Variants in HLCS observed in about 807,000 individuals in gnomAD.
The protein encoded by HLCS is holocarboxylase synthetase, also known as biotin--protein ligase.
HLCS carries 53 observed loss-of-function variants against 75.0 expected under a neutral mutation model. That is an observed-to-expected ratio of 0.71 (90% CI 0.57 to 0.89). The LOEUF is 0.89. Ranked by LOEUF, HLCS falls within the 40% of genes least tolerant of loss-of-function variation. HLCS has a pLI of 0.00. For missense variants in HLCS, 966 were observed against 1,074.0 expected, an observed-to-expected ratio of 0.90 and a Z score of 1.41; for synonymous variants, 431 against 428.6, an observed-to-expected ratio of 1.01 and a Z score of -0.07.
rs2068593950 is a variant in HLCS, at chr21:36,966,501, CGGGGGCTGCGCGGCCG to C, written c.122_137del (p.Ala41GlyfsTer7). The C allele has an allele frequency of 1.0e-6, 1 of 986,228 alleles. No homozygotes were observed. Among genetic ancestry groups the C allele is most frequent in the Non-Finnish European group, 1.2e-6 (1 of 831,424 alleles). 61.1% of individuals were successfully genotyped at this position (986,228 alleles called of 1,614,324 possible). On this transcript the variant is annotated frameshift_variant, in exon 1 of 11. Coordinates refer to ENST00000674895, the MANE Select transcript of HLCS (RefSeq NM_001352514.2). LOFTEE classifies it high-confidence loss of function. The stretch of plus-strand genomic sequence containing the variant: ...CACGGCTCAGGCACACGCGGGCGCC[CGGGGGCTGCGCGGCCG>C]CGCCGCAGAAGGTGAAGGAACAGCG...
At chr21:36,961,554 TA>T (rs1397590000) in intron 2 of HLCS, among the ~76,000 whole-genome samples, 1 of 151,898 alleles carries the variant, frequency 6.6e-6, no homozygotes, top group Non-Finnish European at 1.5e-5. Context: ...GCAGCCACAT[TA>T]AAAACATAAA....
chr21:36,817,649 G>A (rs979307599), intron 6 of HLCS, among the ~76,000 whole-genome samples: 4 of 152,144 alleles, frequency 2.6e-5, no homozygotes, highest in Middle Eastern at 3.2e-3. Flanking sequence ...CCAGTGAAAC[G>A]AACTTTACGT....
At chr21:36,815,669 C>A (rs1284500629) in intron 6 of HLCS, among the ~76,000 whole-genome samples, 2 of 152,110 alleles carry the variant, frequency 1.3e-5, no homozygotes, top group Admixed American at 1.3e-4. Context: ...ATTTCGGGAC[C>A]TGGCCATGGT....
intron 2 of HLCS, among the ~76,000 whole-genome samples, chr21:36,958,249 AAAAAAAAG>A (rs1168422933): frequency 1.6e-3 from 77 of 48,530 alleles, no homozygotes; most frequent in African/African-American, 4.5e-3. Flanking sequence ...TCAAAAAAAA[AAAAAAAAG>A]AAAGAAAGAA....
chr21:36,866,125 A>C (rs1398289941), intron 6 of HLCS, among the ~76,000 whole-genome samples: 1 of 134 alleles, frequency 7.5e-3, no homozygotes, highest in Non-Finnish European at 0.017. Flanking sequence ...AATTGTATAC[A>C]TTTTATACCT....
intron 3 of HLCS, 30 bp downstream of exon 3, chr21:36,938,802 C>T (rs1376238933): frequency 1.2e-6 from 2 of 1,611,278 alleles, no homozygotes; most frequent in Non-Finnish European, 1.7e-6. Flanking sequence ...CTATGCCTGG[C>T]CAATAAAAAC....
intron 6 of HLCS, among the ~76,000 whole-genome samples, chr21:36,892,708 G>C (rs1220615109): frequency 6.6e-6 from 1 of 152,180 alleles, no homozygotes; most frequent in Admixed American, 6.5e-5. Flanking sequence ...TCTTCCTTAG[G>C]AATACAACTC....
At chr21:36,946,149 C>A in intron 2 of HLCS, 2 of 979,362 alleles carry the variant, frequency 2.0e-6, no homozygotes, top group Non-Finnish European at 2.4e-6. Flanking sequence ...TGGGCAAAAA[C>A]CGAACCTGGC....
At chr21:36,893,399 G>A (rs550508583) in intron 6 of HLCS, among the ~76,000 whole-genome samples, 2 of 152,234 alleles carry the variant, frequency 1.3e-5, no homozygotes, top group Admixed American at 1.3e-4. Context: ...TAAATATTCA[G>A]AAACAGGAAC....
intron 6 of HLCS, among the ~76,000 whole-genome samples, chr21:36,791,340 G>A (rs546783814): frequency 2.0e-5 from 3 of 152,302 alleles, no homozygotes; most frequent in East Asian, 1.9e-4. Flanking sequence ...CAGTGAGACC[G>A]CTTTCAGCAT....
At position 36,776,323 on chromosome 21, in the gene HLCS, T is replaced by C. The variant is rs541044527; in HGVS notation, c.1893-9038A>G. ...GCCCTAATGTCTCTGTATTCCTATA[T>C]GCGTCTGTGTAGCTTCCTAAAACCC... On this transcript the variant is annotated intron_variant, in intron 6 of 10. Coordinates refer to ENST00000674895, the MANE Select transcript of HLCS (RefSeq NM_001352514.2). Among the ~76,000 whole-genome samples, 5 of 152,314 alleles carry C rather than the reference T, an allele frequency of 3.3e-5. No individual in the cohort carries two copies. The South Asian group carries it at 1.0e-3, about 32-fold the overall frequency.
intron 6 of HLCS, among the ~76,000 whole-genome samples, chr21:36,873,110 G>A (rs1328037456): frequency 6.6e-6 from 1 of 151,806 alleles, no homozygotes; most frequent in Non-Finnish European, 1.5e-5. Flanking sequence ...TTATACTGCT[G>A]GCATTCTTCT....
intron 2 of HLCS, chr21:36,948,420 T>G (rs2067511840): frequency 6.6e-6 from 1 of 151,816 alleles, no homozygotes; most frequent in Non-Finnish European, 1.5e-5. Flanking sequence ...CAAAATTGAC[T>G]TTCACTTGAT....
At chr21:36,855,455 T>A (rs1473950676) in intron 6 of HLCS, among the ~76,000 whole-genome samples, 1 of 149,678 alleles carries the variant, frequency 6.7e-6, no homozygotes, top group African/African-American at 2.5e-5. Context: ...GGGGAACTGC[T>A]TGAACCAGGG....
chr21:36,951,026 G>A (rs2835544), intron 2 of HLCS, among the ~76,000 whole-genome samples: 85,458 of 152,048 alleles, frequency 0.56, 24,277 homozygotes, highest in East Asian at 0.64. Flanking sequence ...CAGGATTCAG[G>A]TTGTGCTGCT....
chr21:36,759,850 A>T lies in HLCS; in HGVS notation c.2122-9T>A. 5 of 1,524,176 alleles carry T rather than the reference A, an allele frequency of 3.3e-6. No individual in the cohort carries two copies. Among genetic ancestry groups the T allele is most frequent in the Non-Finnish European group, 3.6e-6 (4 of 1,097,890 alleles). 94.4% of individuals were successfully genotyped at this position (1,524,176 alleles called of 1,614,324 possible). ...ACTCGTAAGTTGATATCCTAAAGGGAAATCTGCACATTAATTAAGCCGTCA... is the reference window on the plus strand; with the variant it reads ...ACTCGTAAGTTGATATCCTAAAGGGTAATCTGCACATTAATTAAGCCGTCA... On this transcript the variant is annotated splice_polypyrimidine_tract_variant and intron_variant, in intron 8 of 10. Transcript: ENST00000674895.
In HLCS at chr21:36,939,131, T is replaced by C. The variant is rs570578863; in HGVS notation, c.331-137A>G. On this transcript the variant is annotated intron_variant, in intron 2 of 10. Coordinates refer to ENST00000674895, the MANE Select transcript of HLCS (RefSeq NM_001352514.2). The stretch of plus-strand genomic sequence containing the variant: ...GTCATTAATAACAAATTACTGGATA[T>C]TACATTTTACTAATATCAGAGTTGT... 2.9e-4 allele frequency: 214 copies of C among 747,234 alleles called. No individual in the cohort carries two copies. In the African/African-American group the frequency reaches 3.5e-3, roughly 12 times the overall value. 46.3% of individuals were successfully genotyped at this position (747,234 alleles called of 1,614,324 possible).
At position 36,939,103 on chromosome 21, in the gene HLCS, A is replaced by G. The variant is rs2067024442; in HGVS notation, c.331-109T>C. ...CCCTTGAGGCTCCTACCACTAAATTACAGTCATTAATAACAAATTACTGGA... is the reference window on the plus strand; with the variant it reads ...CCCTTGAGGCTCCTACCACTAAATTGCAGTCATTAATAACAAATTACTGGA... On this transcript the variant is annotated intron_variant, in intron 2 of 10. Transcript: ENST00000674895. 10 of 956,146 alleles carry G rather than the reference A, an allele frequency of 1.0e-5. No individual in the cohort carries two copies. In the East Asian group the frequency reaches 2.7e-4, roughly 26 times the overall value. 59.2% of individuals were successfully genotyped at this position (956,146 alleles called of 1,614,324 possible).
chr21:36,848,634 C>T (rs1341735885), intron 6 of HLCS, among the ~76,000 whole-genome samples: 1 of 152,244 alleles, frequency 6.6e-6, no homozygotes, highest in African/African-American at 2.4e-5. Context: ...ACTATTTTTC[C>T]TCCATTAGTA....
Sources: gnomAD v4.1 joint callset for allele counts (sites outside exome capture counted in the v4.1 genomes callset) on GRCh38, gnomAD v4.1.1 for gene constraint, MANE v1.5 for transcripts, NCBI Gene and HGNC (gene_info 2026-07-23, HGNC 2026-07-21) for gene names.